The following BTBD9 variants were observed in gnomAD, a reference collection of about 807,000 sequenced individuals.
BTBD9 encodes the protein BTB domain containing 9, also known as BTB/POZ domain-containing protein 9.
Under a neutral mutation model 64.3 loss-of-function variants are expected in BTBD9, and 49 were observed. The ratio of observed to expected loss-of-function variants is 0.76; its 90% CI spans 0.61 to 0.97. The LOEUF (loss-of-function observed/expected upper bound fraction) is 0.97, where lower values mean the gene tolerates loss of function less well. Ranked by LOEUF, BTBD9 falls within the 50% of genes least tolerant of loss-of-function variation. BTBD9 has a pLI of 0.00. For synonymous variants in BTBD9, 260 were observed against 274.7 expected (o/e 0.95, Z 0.53); for missense variants, 598 against 762.1 (o/e 0.78, Z 2.53).
intron 6 of BTBD9, among the ~76,000 whole-genome samples, chr6:38,441,538 G>A (rs1320844991): frequency 6.6e-6 from 1 of 151,958 alleles, no homozygotes; most frequent in Non-Finnish European, 1.5e-5. Flanking sequence ...TCAGCTTCGG[G>A]AGTAGCTAGG....
chr6:38,274,336 T>C (rs1391290140), intron 8 of BTBD9, among the ~76,000 whole-genome samples: 2 of 152,200 alleles, frequency 1.3e-5, no homozygotes, highest in Non-Finnish European at 2.9e-5. Flanking sequence ...CAGGGACAAT[T>C]TGACTTCCTC....
chr6:38,596,233 G>T (rs1171516520), intron 2 of BTBD9, among the ~76,000 whole-genome samples: 1 of 152,128 alleles, frequency 6.6e-6, no homozygotes, highest in Non-Finnish European at 1.5e-5. Context: ...GATAGTCTAA[G>T]GTAGACTCTG....
At chr6:38,483,241 T>C (rs1771244098) in intron 6 of BTBD9, among the ~76,000 whole-genome samples, 1 of 152,108 alleles carries the variant, frequency 6.6e-6, no homozygotes, top group Non-Finnish European at 1.5e-5. Context: ...TCCACTGAAA[T>C]GGCTCTTAAA....
At chr6:38,258,809 G>A (rs1237268933) in intron 8 of BTBD9, among the ~76,000 whole-genome samples, 1 of 152,218 alleles carries the variant, frequency 6.6e-6, no homozygotes, top group Non-Finnish European at 1.5e-5. Context: ...AGAATCGCTT[G>A]AATCCAGGAG....
intron 7 of BTBD9, among the ~76,000 whole-genome samples, chr6:38,306,455 G>A (rs1350414458): frequency 6.6e-6 from 1 of 152,208 alleles, no homozygotes; most frequent in African/African-American, 2.4e-5. Flanking sequence ...TAGCAATTCT[G>A]CTCAGACAAA....
chr6:38,426,596 C>T (rs934902993), intron 6 of BTBD9, among the ~76,000 whole-genome samples: 1 of 151,888 alleles, frequency 6.6e-6, no homozygotes. Flanking sequence ...GCAGGGTGTC[C>T]GCTGTGCTCC....
rs1444399511 is a variant in BTBD9, at chr6:38,374,286, T to TATATATATATACAC, written c.1155-29194_1155-29193insGTGTATATATATAT. On this transcript the variant is annotated intron_variant, in intron 6 of 10. Coordinates refer to ENST00000481247, the MANE Select transcript of BTBD9 (RefSeq NM_001099272.2). The stretch of plus-strand genomic sequence containing the variant: ...CTTGTGTCGAAAAAAAAAAAAAGTA[T>TATATATATATACAC]ATATATATATGTATATATATGTATA... 6.1e-4 allele frequency among the ~76,000 whole-genome samples: 41 copies of TATATATATATACAC among 67,468 alleles called. 2 individuals carry two copies. The highest frequency in any genetic ancestry group is 5.0e-3 in the African/African-American group (37 of 7,454). The allele number at this position is 67,468 out of a possible 152,430, so 44.3% of individuals were successfully genotyped here. A position where few individuals can be genotyped will look rare whatever the true frequency, so the allele number is the denominator to read the frequency against.
intron 8 of BTBD9, among the ~76,000 whole-genome samples, chr6:38,268,370 A>C (rs1765086619): frequency 6.6e-6 from 1 of 152,198 alleles, no homozygotes; most frequent in South Asian, 2.1e-4. Flanking sequence ...AGTTTTCAGA[A>C]GAATCCGTAT....
intron 1 of BTBD9, among the ~76,000 whole-genome samples, chr6:38,612,455 C>G (rs1777642691): frequency 6.6e-6 from 1 of 152,216 alleles, no homozygotes; most frequent in Admixed American, 6.5e-5. Context: ...AAGATAACTG[C>G]AACTCCTTCT....
chr6:38,399,718 G>A (rs1285610307), intron 6 of BTBD9, among the ~76,000 whole-genome samples: 1 of 151,888 alleles, frequency 6.6e-6, no homozygotes, highest in Non-Finnish European at 1.5e-5. Context: ...GTAGCCATCT[G>A]ACTATGTTCT....
intron 6 of BTBD9, among the ~76,000 whole-genome samples, chr6:38,438,719 G>C (rs1332164006): frequency 1.3e-5 from 2 of 151,692 alleles, no homozygotes; most frequent in Admixed American, 6.6e-5. Context: ...GTGCTAGAGA[G>C]CTTCATTTTA....
intron 9 of BTBD9, among the ~76,000 whole-genome samples, chr6:38,247,491 A>G (rs1764249390): frequency 6.6e-6 from 1 of 152,212 alleles, no homozygotes; most frequent in African/African-American, 2.4e-5. Context: ...GGTGACAGGG[A>G]GACAGTCAAG....
At position 38,360,908 on chromosome 6, in the gene BTBD9, A is replaced by G. The variant is rs566977398; in HGVS notation, c.1155-15815T>C. ...GTAAAATTGATTTTAGCAAGTTTAA[A>G]TGCTGCAAAGGGAAAGAGCCAAGAG... is the stretch of plus-strand genomic sequence containing the variant. On this transcript the variant is annotated intron_variant, in intron 6 of 10. Coordinates refer to ENST00000481247, the MANE Select transcript of BTBD9 (RefSeq NM_001099272.2). 3.6e-4 allele frequency among the ~76,000 whole-genome samples: 55 copies of G among 152,346 alleles called. 2 individuals carry two copies. In the South Asian group the frequency reaches 0.011, roughly 30 times the overall value.
At chr6:38,515,022 C>T (rs967736245) in intron 6 of BTBD9, among the ~76,000 whole-genome samples, 2 of 151,906 alleles carry the variant, frequency 1.3e-5, no homozygotes, top group African/African-American at 2.4e-5. Flanking sequence ...AGTAGACCTA[C>T]TTATGTGGAT....
chr6:38,311,901 G>A (rs1387923337), intron 7 of BTBD9, among the ~76,000 whole-genome samples: 2 of 150,994 alleles, frequency 1.3e-5, no homozygotes, highest in South Asian at 2.1e-4. Flanking sequence ...TTACTCTGTC[G>A]CCCAGGCTGG....
intron 7 of BTBD9, among the ~76,000 whole-genome samples, chr6:38,310,489 T>C (rs1390811104): frequency 1.3e-5 from 2 of 152,060 alleles, no homozygotes; most frequent in African/African-American, 4.8e-5. Flanking sequence ...TTAATCTAGA[T>C]TGAGGAAACA....
chr6:38,519,876 G>A (rs1367018392), intron 6 of BTBD9, among the ~76,000 whole-genome samples: 2 of 152,148 alleles, frequency 1.3e-5, no homozygotes, highest in Non-Finnish European at 2.9e-5. Context: ...CCAGAGTCTT[G>A]ACTAACATAC....
intron 8 of BTBD9, among the ~76,000 whole-genome samples, chr6:38,266,615 A>AAAGAAAGAAAGG (rs1764993441): frequency 4.5e-4 from 8 of 17,908 alleles, no homozygotes; most frequent in African/African-American, 1.4e-3. Flanking sequence ...GGAAAGAAAG[A>AAAGAAAGAAAGG]AAGAAAGAAA....
rs756968926 is a variant in BTBD9, at chr6:38,580,377, T to C, written c.875A>G (p.Lys292Arg). 2.5e-6 allele frequency: 4 copies of C among 1,614,136 alleles called. No individual in the cohort carries two copies. Among genetic ancestry groups the C allele is most frequent in the African/African-American group, 2.7e-5 (2 of 74,956 alleles). Residue 292 changes from lysine (K) to arginine (R), a missense_variant, in exon 5 of 11, where the codon AAA (lysine) becomes AGA (arginine). Coordinates refer to ENST00000481247, the MANE Select transcript of BTBD9 (RefSeq NM_001099272.2). ...YGAQVVKGEL[K>R]SALLDGDTQN... ...AGTATCACCATCTAATAAGGCTGATTTCAGCTCCCCCTTTACAACTTGGGC... is the reference window on the plus strand; with the variant it reads ...AGTATCACCATCTAATAAGGCTGATCTCAGCTCCCCCTTTACAACTTGGGC...
Sources: gnomAD v4.1 joint callset for allele counts (sites outside exome capture counted in the v4.1 genomes callset) on GRCh38, gnomAD v4.1.1 for gene constraint, MANE v1.5 for transcripts, NCBI Gene and HGNC (gene_info 2026-07-23, HGNC 2026-07-21) for gene names.